ASTN2: variants seen among roughly 807,000 people sequenced by gnomAD.
ASTN2 encodes the protein astrotactin 2.
In ASTN2, 54 loss-of-function variants were observed where a neutral mutation model predicts 139.8. That is an observed-to-expected ratio of 0.39 (90% CI 0.31 to 0.48). The LOEUF (loss-of-function observed/expected upper bound fraction) is 0.48, where lower values mean the gene tolerates loss of function less well. Among genes scored for constraint, ASTN2 ranks in the 20% least tolerant of loss-of-function variants. The pLI is 0.95. For synonymous variants in ASTN2, 756 were observed against 719.5 expected, an observed-to-expected ratio of 1.05 and a Z score of -0.81; for missense variants, 1,565 against 1,725.1, an observed-to-expected ratio of 0.91 and a Z score of 1.64.
intron 1 of ASTN2, among the ~76,000 whole-genome samples, chr9:117,381,309 G>A (rs1830263697): frequency 6.6e-6 from 1 of 152,094 alleles, no homozygotes; most frequent in Non-Finnish European, 1.5e-5. Flanking sequence ...TGGTGATAGT[G>A]GCACAAGTGA....
At chr9:117,293,854 C>T (rs1251986700) in intron 1 of ASTN2, among the ~76,000 whole-genome samples, 1 of 152,216 alleles carries the variant, frequency 6.6e-6, no homozygotes, top group East Asian at 1.9e-4. Flanking sequence ...CTAGAAATAG[C>T]AGTGTCTAAT....
intron 3 of ASTN2, chr9:117,180,831 GC>G: frequency 6.5e-7 from 1 of 1,548,294 alleles, no homozygotes; most frequent in Non-Finnish European, 8.8e-7. Context: ...ACTTGGTGAA[GC>G]CCCACTTCTT....
intron 1 of ASTN2, among the ~76,000 whole-genome samples, chr9:117,392,661 A>G (rs756242648): frequency 6.6e-6 from 1 of 152,198 alleles, no homozygotes; most frequent in African/African-American, 2.4e-5. Flanking sequence ...AATGCTTTTC[A>G]TTGTCAGTTA....
intron 3 of ASTN2, chr9:117,180,984 C>T: frequency 6.3e-7 from 1 of 1,597,004 alleles, no homozygotes; most frequent in Admixed American, 1.7e-5. Context: ...TGCCCTGGGG[C>T]TTTCCAAAGG....
chr9:116,653,450 C>T (rs940992010), intron 16 of ASTN2, among the ~76,000 whole-genome samples: 1 of 152,192 alleles, frequency 6.6e-6, no homozygotes, highest in Non-Finnish European at 1.5e-5. Flanking sequence ...CTTGAAGAAG[C>T]AAAGTGATTT....
At chr9:116,886,401 G>T (rs1005233590) in intron 10 of ASTN2, among the ~76,000 whole-genome samples, 6 of 152,160 alleles carry the variant, frequency 3.9e-5, no homozygotes, top group African/African-American at 1.4e-4. Context: ...TTGAAACAGG[G>T]TCTTGCTCCG....
chr9:116,620,646 G>A lies in ASTN2; in HGVS notation c.3073-203C>T, dbSNP rs376548591. On this transcript the variant is annotated intron_variant, in intron 17 of 22. Transcript: ENST00000313400. ...CCATCCCCTCCCCAGGAGCCACAAT[G>A]ATCACTGAGAAACAATAGTAACTAT... 2.9e-4 allele frequency among the ~76,000 whole-genome samples: 44 copies of A among 152,242 alleles called. 2 individuals are homozygous for A. Among genetic ancestry groups the A allele is most frequent in the African/African-American group, 9.9e-4 (41 of 41,540 alleles).
chr9:116,632,951 A>C (rs548062782), intron 17 of ASTN2, among the ~76,000 whole-genome samples: 74 of 152,220 alleles, frequency 4.9e-4, no homozygotes, highest in Non-Finnish European at 1.2e-4. Flanking sequence ...ACTCCATAAA[A>C]GTTTGTTGTA....
Position 116,473,807 on chromosome 9 carries a change from CAGG to C in ASTN2, c.3497+13549_3497+13551del, listed in dbSNP as rs1315369166. ...AACCCAGCTACTCGGGAGGCTGAGGCAGGAGAATCGCTTGAACCCAGGAAGCGG... is the reference window on the plus strand; with the variant it reads ...AACCCAGCTACTCGGGAGGCTGAGGCAGAATCGCTTGAACCCAGGAAGCGG... On this transcript the variant is annotated intron_variant, in intron 20 of 22. Transcript: ENST00000313400. Among the ~76,000 whole-genome samples the C allele has an allele frequency of 3.9e-5, 6 of 152,002 alleles. No individual in the cohort carries two copies. In the East Asian group the frequency reaches 1.2e-3, roughly 29 times the overall value.
chr9:116,680,075 G>A (rs1031919998), intron 16 of ASTN2, among the ~76,000 whole-genome samples: 4 of 152,064 alleles, frequency 2.6e-5, no homozygotes, highest in African/African-American at 9.7e-5. Flanking sequence ...AAAAATTAAT[G>A]AATCCAGGAG....
intron 16 of ASTN2, among the ~76,000 whole-genome samples, chr9:116,672,907 A>T (rs1445061001): frequency 2.6e-5 from 4 of 152,356 alleles, no homozygotes; most frequent in East Asian, 3.9e-4. Flanking sequence ...ATAATAACAA[A>T]TGCAATATAA....
chr9:116,718,026 A>G (rs1828362338), intron 16 of ASTN2, among the ~76,000 whole-genome samples: 1 of 152,262 alleles, frequency 6.6e-6, no homozygotes, highest in African/African-American at 2.4e-5. Context: ...CACAGAGCTT[A>G]TAGTGCAGCA....
chr9:116,790,950 G>GAAAGAAAGAAAGAAAGAAAGAAAC (rs1564268705), intron 13 of ASTN2, among the ~76,000 whole-genome samples: 2 of 138,402 alleles, frequency 1.4e-5, no homozygotes, highest in African/African-American at 2.7e-5. Flanking sequence ...AAGAAAGAAA[G>GAAAGAAAGAAAGAAAGAAAGAAAC]AAAGAAAAGA....
chr9:116,423,824 A>T lies in ASTN2; in HGVS notation c.*2027T>A, dbSNP rs1032735010. Among the ~76,000 whole-genome samples the T allele has an allele frequency of 1.3e-5, 2 of 152,190 alleles. No homozygotes were observed. Among genetic ancestry groups the T allele is most frequent in the Non-Finnish European group, 2.9e-5 (2 of 68,044 alleles). On this transcript the variant is annotated 3_prime_UTR_variant, in exon 23 of 23. Coordinates refer to ENST00000313400, the MANE Select transcript of ASTN2 (RefSeq NM_001365068.1). The stretch of plus-strand genomic sequence containing the variant: ...AGTCCTGGGGAAAAAAATGCGCTCA[A>T]TATGTAGGTTATCAGGAAGGGGATT...
intron 1 of ASTN2, among the ~76,000 whole-genome samples, chr9:117,298,921 GGACA>G (rs1365634432): frequency 6.6e-6 from 1 of 151,852 alleles, no homozygotes; most frequent in Non-Finnish European, 1.5e-5. Context: ...TGTTTCCAGA[GGACA>G]GAGAGAAGAG....
chr9:116,439,276 C>G (rs1326341271), intron 22 of ASTN2, among the ~76,000 whole-genome samples: 1 of 119,528 alleles, frequency 8.4e-6, no homozygotes, highest in East Asian at 4.0e-4. Context: ...TCTCGGCTCA[C>G]TGCAAGCTCC....
chr9:117,335,848 T>C (rs1828864848), intron 1 of ASTN2, among the ~76,000 whole-genome samples: 1 of 152,116 alleles, frequency 6.6e-6, no homozygotes, highest in African/African-American at 2.4e-5. Flanking sequence ...GAAATCCATA[T>C]CTATGTGTAC....
chr9:116,764,301 T>C (rs1038639907), intron 13 of ASTN2, among the ~76,000 whole-genome samples: 5 of 152,206 alleles, frequency 3.3e-5, no homozygotes, highest in African/African-American at 1.2e-4. Context: ...CAACCATGAC[T>C]GGTTATTGCA....
chr9:116,628,310 T>G (rs937022020), intron 17 of ASTN2, among the ~76,000 whole-genome samples: 1 of 152,184 alleles, frequency 6.6e-6, no homozygotes, highest in African/African-American at 2.4e-5. Flanking sequence ...CCAAGGGAAC[T>G]CCAACATTTT....
Sources: allele counts gnomAD v4.1 joint callset (sites outside exome capture counted in the v4.1 genomes callset), GRCh38; gene constraint gnomAD v4.1.1; transcripts MANE v1.5; gene names NCBI Gene and HGNC (gene_info 2026-07-23, HGNC 2026-07-21).